Variants in PARD3 observed in about 807,000 individuals in gnomAD.
PARD3 encodes the protein partitioning defective 3 homolog.
In PARD3, 75 loss-of-function variants were observed where a neutral mutation model predicts 155.4. That is an observed-to-expected ratio of 0.48 (90% CI 0.40 to 0.58). The LOEUF is 0.58. Among genes scored for constraint, PARD3 ranks in the 20% least tolerant of loss-of-function variants. The pLI, the probability that PARD3 is intolerant of heterozygous loss-of-function variation, is 0.00. For missense variants in PARD3, 1,642 were observed against 1,721.7 expected, an observed-to-expected ratio of 0.95 and a Z score of 0.82; for synonymous variants, 576 against 610.5, an observed-to-expected ratio of 0.94 and a Z score of 0.83.
chr10:34,345,808 T>C (rs1837355570), intron 15 of PARD3: 3 of 985,118 alleles, frequency 3.0e-6, no homozygotes, highest in African/African-American at 1.7e-5. Context: ...TAACTTTAAG[T>C]GGTAACTAAT....
At chr10:34,230,485 G>C (rs1030002251) in intron 22 of PARD3, among the ~76,000 whole-genome samples, 1 of 152,142 alleles carries the variant, frequency 6.6e-6, no homozygotes, top group East Asian at 1.9e-4. Context: ...AGAAGAAATA[G>C]ACTGAAAGTT....
At chr10:34,424,219 T>C (rs770227774) in intron 5 of PARD3, among the ~76,000 whole-genome samples, 3 of 152,132 alleles carry the variant, frequency 2.0e-5, no homozygotes, top group Non-Finnish European at 4.4e-5. Flanking sequence ...AAAAATAAAA[T>C]CACCAGTCAT....
chr10:34,442,034 T>C (rs1304088593), intron 5 of PARD3, among the ~76,000 whole-genome samples: 1 of 152,218 alleles, frequency 6.6e-6, no homozygotes, highest in Non-Finnish European at 1.5e-5. Flanking sequence ...CTACATTTGG[T>C]GTTGCTAGAG....
rs894104179 is a variant in PARD3 at position 34,517,023 on chromosome 10, T to C, written c.359A>G (p.Gln120Arg). The stretch of plus-strand genomic sequence containing the variant: ...TGTGACCTCAATTTCACTTGTTGCT[T>C]GGTAAGGCTGAAAGGCTGAGACATT... The part of the protein sequence containing the change: ...TNNVSAFQPY[Q>R]ATSEIEVTPS... The change falls in exon 3 of 25, where the codon CAA becomes CGA. Residue 120 changes from glutamine (Q) to arginine (R), a missense_variant. Physicochemically the swap from Gln to Arg is conservative, Grantham distance 43. This residue lies in a region of PARD3 where 1,529 missense variants were observed against 1,587.3 expected (regional missense o/e 0.96). Coordinates refer to ENST00000374788, the MANE Select transcript of PARD3 (RefSeq NM_001184785.2). The C allele has an allele frequency of 2.5e-6, 4 of 1,614,050 alleles. No homozygotes were observed. In the African/African-American group the frequency reaches 4.0e-5, roughly 16 times the overall value.
intron 5 of PARD3, among the ~76,000 whole-genome samples, chr10:34,421,691 A>C (rs1846203027): frequency 6.6e-6 from 1 of 152,224 alleles, no homozygotes; most frequent in Non-Finnish European, 1.5e-5. Context: ...TGCCTATGAT[A>C]TGCTAAGTGC....
chr10:34,405,639 G>A (rs1844386336), intron 5 of PARD3, among the ~76,000 whole-genome samples: 1 of 152,048 alleles, frequency 6.6e-6, no homozygotes, highest in Non-Finnish European at 1.5e-5. Flanking sequence ...AAGTAGGAGG[G>A]GTCTAGGATT....
chr10:34,549,992 T>A (rs990281978), intron 2 of PARD3, among the ~76,000 whole-genome samples: 5 of 152,082 alleles, frequency 3.3e-5, no homozygotes, highest in African/African-American at 1.2e-4. Flanking sequence ...TCAACAAGAA[T>A]CATGCTGCTT....
intron 4 of PARD3, among the ~76,000 whole-genome samples, chr10:34,464,107 G>A (rs1032731464): frequency 7.5e-6 from 1 of 133,150 alleles, no homozygotes; most frequent in African/African-American, 3.1e-5. Context: ...AGCTAGACCC[G>A]AGGTCCTGCG....
At chr10:34,602,408 T>C (rs2089868356) in intron 2 of PARD3, among the ~76,000 whole-genome samples, 1 of 152,220 alleles carries the variant, frequency 6.6e-6, no homozygotes, top group African/African-American at 2.4e-5. Flanking sequence ...GCTCTAATTA[T>C]GAATGAAAAT....
chr10:34,405,064 C>T (rs1589449144), intron 5 of PARD3, among the ~76,000 whole-genome samples: 1 of 138,300 alleles, frequency 7.2e-6, no homozygotes, highest in African/African-American at 3.0e-5. Flanking sequence ...AGAGTGAGAC[C>T]CCATCACAAA....
intron 4 of PARD3, among the ~76,000 whole-genome samples, chr10:34,459,462 C>A (rs188262601): frequency 2.0e-5 from 3 of 152,204 alleles, no homozygotes; most frequent in Non-Finnish European, 2.9e-5. Context: ...TGAGCCACCA[C>A]ACCCGGCCCT....
chr10:34,453,773 G>A (rs139996258), intron 4 of PARD3, among the ~76,000 whole-genome samples: 1,527 of 152,264 alleles, frequency 0.01, 10 homozygotes, highest in Middle Eastern at 0.027. Context: ...ACAGTACACT[G>A]TTTCTCCATG....
At chr10:34,693,855 G>A (rs2094114585) in intron 2 of PARD3, among the ~76,000 whole-genome samples, 1 of 152,128 alleles carries the variant, frequency 6.6e-6, no homozygotes, top group Non-Finnish European at 1.5e-5. Context: ...ACACAGCCAT[G>A]TTGGCATAGC....
At chr10:34,189,641 T>C (rs12242747) in intron 22 of PARD3, among the ~76,000 whole-genome samples, 254 of 152,324 alleles carry the variant, frequency 1.7e-3, no homozygotes, top group African/African-American at 5.8e-3. Flanking sequence ...GGCAAGTACA[T>C]GTTTCCATGA....
intron 3 of PARD3, among the ~76,000 whole-genome samples, chr10:34,496,502 G>A (rs2080297843): frequency 6.6e-6 from 1 of 152,114 alleles, no homozygotes; most frequent in Non-Finnish European, 1.5e-5. Flanking sequence ...ACAATGCCTG[G>A]AGATAATATT....
At chr10:34,498,198 T>C (rs1026906565) in intron 3 of PARD3, among the ~76,000 whole-genome samples, 1 of 152,198 alleles carries the variant, frequency 6.6e-6, no homozygotes, top group Non-Finnish European at 1.5e-5. Context: ...CAGCAAATTA[T>C]AAGAAGCAGT....
At chr10:34,422,387 C>T (rs1237498077) in intron 5 of PARD3, among the ~76,000 whole-genome samples, 1 of 151,662 alleles carries the variant, frequency 6.6e-6, no homozygotes, top group Non-Finnish European at 1.5e-5. Context: ...AGATATGAAC[C>T]CAAAGCACAG....
At chr10:34,245,834 T>C (rs949654703) in intron 22 of PARD3, among the ~76,000 whole-genome samples, 1 of 152,178 alleles carries the variant, frequency 6.6e-6, no homozygotes, top group Admixed American at 6.5e-5. Context: ...CGTGATGCTG[T>C]CAGGATGCCC....
chr10:34,638,768 G>A (rs1276594946), intron 2 of PARD3, among the ~76,000 whole-genome samples: 1 of 152,164 alleles, frequency 6.6e-6, no homozygotes, highest in Non-Finnish European at 1.5e-5. Context: ...CAACCTGTCT[G>A]GCAAAACCAC....
Sources: gnomAD v4.1 joint callset for allele counts (sites outside exome capture counted in the v4.1 genomes callset) on GRCh38, gnomAD v4.1.1 for gene constraint, gnomAD v4.1.1 regional missense constraint, MANE v1.5 for transcripts, NCBI Gene and HGNC (gene_info 2026-07-23, HGNC 2026-07-21) for gene names.